The following LYPLAL1 variants were observed in gnomAD, a reference collection of about 807,000 sequenced individuals.
LYPLAL1 encodes lysophospholipase like 1.
A neutral mutation model predicts 19.7 loss-of-function variants in LYPLAL1; 23 were observed. The observed-to-expected ratio is 1.17, with a 90% CI of 0.84 to 1.65. LYPLAL1 has a LOEUF of 1.65. Among genes scored for constraint, LYPLAL1 ranks in the 40% most tolerant of loss-of-function variants. The pLI is 0.00. For synonymous variants in LYPLAL1, 119 were observed against 96.3 expected (o/e 1.24, Z -1.38); for missense variants, 355 against 279.4 (o/e 1.27, Z -1.93).
the LYPLAL1 span, among the ~76,000 whole-genome samples, chr1:219,220,605 A>G: frequency 1.3e-5 from 2 of 152,272 alleles, no homozygotes; most frequent in East Asian, 3.9e-4. Flanking sequence ...TTTACTGACC[A>G]AACTGCCTTA....
chr1:219,190,162 C>T (rs1035968739), intron 2 of LYPLAL1, among the ~76,000 whole-genome samples: 2 of 151,354 alleles, frequency 1.3e-5, no homozygotes, highest in South Asian at 2.1e-4. Flanking sequence ...ACTGTTCCCC[C>T]GCCCACTGCA....
the LYPLAL1 span, among the ~76,000 whole-genome samples, chr1:219,231,928 A>G: frequency 1.3e-5 from 2 of 152,230 alleles, no homozygotes. Flanking sequence ...ACTTAATAAT[A>G]AATGCTTTCA....
intron 2 of LYPLAL1, among the ~76,000 whole-genome samples, chr1:219,183,828 G>A (rs1272073941): frequency 6.6e-6 from 1 of 151,834 alleles, no homozygotes; most frequent in East Asian, 1.9e-4. Flanking sequence ...TTTATCTACT[G>A]TTGTTGCACG....
chr1:219,394,528 T>G, the LYPLAL1 span, among the ~76,000 whole-genome samples: 3 of 152,204 alleles, frequency 2.0e-5, no homozygotes, highest in African/African-American at 4.8e-5. Flanking sequence ...CATTCTACTT[T>G]CTGTCTCTGT....
chr1:219,258,503 C>T, the LYPLAL1 span, among the ~76,000 whole-genome samples: 1 of 152,050 alleles, frequency 6.6e-6, no homozygotes, highest in South Asian at 2.1e-4. Context: ...TTACTTTCAA[C>T]TATACTATGC....
At chr1:219,407,611 T>C in the LYPLAL1 span, among the ~76,000 whole-genome samples, 1 of 152,196 alleles carries the variant, frequency 6.6e-6, no homozygotes, top group African/African-American at 2.4e-5. Context: ...TAAACGTTCA[T>C]TAAAAAGCAT....
At chr1:219,445,145 T>C in the LYPLAL1 span, among the ~76,000 whole-genome samples, 1 of 152,110 alleles carries the variant, frequency 6.6e-6, no homozygotes, top group Non-Finnish European at 1.5e-5. Flanking sequence ...TTCTACTTTA[T>C]TTTTGATTGG....
chr1:219,408,364 T>C, the LYPLAL1 span, among the ~76,000 whole-genome samples: 1 of 152,144 alleles, frequency 6.6e-6, no homozygotes, highest in Middle Eastern at 3.2e-3. Flanking sequence ...ACAGAACCCC[T>C]TTTAAAATTT....
At position 219,211,959 on chromosome 1, in the gene LYPLAL1, A is replaced by G. The variant is rs989220313; in HGVS notation, c.*231A>G. 6.3e-5 allele frequency: 21 copies of G among 334,052 alleles called. No homozygotes were observed. Among genetic ancestry groups the G allele is most frequent in the Non-Finnish European group, 1.1e-5 (2 of 185,738 alleles). 20.7% of individuals were successfully genotyped at this position (334,052 alleles called of 1,614,324 possible). ...TTCTGTAAATATTTGGAAACCTTTT[A>G]AGTATTTAAACTTTTAAATTTTTGA... On this transcript the variant is annotated 3_prime_UTR_variant, in exon 5 of 5. Transcript: ENST00000366928.
chr1:219,303,408 A>G, the LYPLAL1 span, among the ~76,000 whole-genome samples: 1 of 152,242 alleles, frequency 6.6e-6, no homozygotes, highest in African/African-American at 2.4e-5. Context: ...ACCAGGTGAC[A>G]GGAGAGCTAG....
At chr1:219,270,810 GGACTCTGTT>G in the LYPLAL1 span, 1 of 152,130 alleles carries the variant, frequency 6.6e-6, no homozygotes, top group African/African-American at 2.4e-5. Flanking sequence ...AATTCACTGA[GGACTCTGTT>G]GCCTTACTAT....
At chr1:219,310,684 G>A in the LYPLAL1 span, among the ~76,000 whole-genome samples, 32 of 152,284 alleles carry the variant, frequency 2.1e-4, 1 homozygote, top group South Asian at 6.2e-3. Context: ...TGAGAAAAAA[G>A]TGAAGTGAAA....
At chr1:219,177,600 C>T (rs1655931058) in intron 1 of LYPLAL1, among the ~76,000 whole-genome samples, 1 of 152,182 alleles carries the variant, frequency 6.6e-6, no homozygotes, top group South Asian at 2.1e-4. Context: ...GGCCAAAAGC[C>T]TGTTAGTCAT....
At chr1:219,409,540 C>CTTCT in the LYPLAL1 span, 4 of 151,934 alleles carry the variant, frequency 2.6e-5, no homozygotes, top group Non-Finnish European at 4.4e-5. Flanking sequence ...ACTGGGTGTC[C>CTTCT]AGAAAAGGAG....
the LYPLAL1 span, among the ~76,000 whole-genome samples, chr1:219,294,615 A>T: frequency 1.3e-5 from 2 of 152,038 alleles, no homozygotes; most frequent in African/African-American, 4.8e-5. Flanking sequence ...TTCAAAATCT[A>T]CTCTTCCTTC....
At chr1:219,373,863 C>CAA in the LYPLAL1 span, among the ~76,000 whole-genome samples, 220 of 102,146 alleles carry the variant, frequency 2.2e-3, 1 homozygote, top group Non-Finnish European at 2.9e-3. Flanking sequence ...ATAAAATTGT[C>CAA]AAAAAAAAAA....
the LYPLAL1 span, among the ~76,000 whole-genome samples, chr1:219,412,136 A>C: frequency 2.3e-4 from 35 of 152,086 alleles, no homozygotes; most frequent in African/African-American, 7.5e-4. Flanking sequence ...GCAGCCTCAA[A>C]CTCCTGGGCT....
chr1:219,244,765 G>A, the LYPLAL1 span, among the ~76,000 whole-genome samples: 2 of 151,976 alleles, frequency 1.3e-5, no homozygotes, highest in African/African-American at 4.8e-5. Context: ...GGCCAACATG[G>A]TGAGACCCTA....
chr1:219,230,603 A>G, the LYPLAL1 span, among the ~76,000 whole-genome samples: 3 of 152,220 alleles, frequency 2.0e-5, no homozygotes, highest in Non-Finnish European at 2.9e-5. Flanking sequence ...TAAAGTTTTA[A>G]AATGTAATTA....
Sources: allele counts gnomAD v4.1 joint callset (sites outside exome capture counted in the v4.1 genomes callset), GRCh38; gene constraint gnomAD v4.1.1; transcripts MANE v1.5; gene names NCBI Gene and HGNC (gene_info 2026-07-23, HGNC 2026-07-21).